The following CYB5R4 variants were observed in gnomAD, a reference collection of about 807,000 sequenced individuals.
CYB5R4 encodes the protein N-terminal cytochrome b5 and cytochrome b5 oxidoreductase domain-containing protein.
Under a neutral mutation model 70.2 loss-of-function variants are expected in CYB5R4, and 55 were observed. That is an observed-to-expected ratio of 0.78 (90% confidence interval 0.63 to 0.98). The LOEUF is 0.98. Ranked by LOEUF, CYB5R4 falls within the 50% of genes least tolerant of loss-of-function variation. CYB5R4 has a pLI of 0.00. For synonymous variants in CYB5R4, 197 were observed against 199.5 expected, an observed-to-expected ratio of 0.99 and a Z score of 0.11; for missense variants, 562 against 612.6, an observed-to-expected ratio of 0.92 and a Z score of 0.87.
intron 4 of CYB5R4, among the ~76,000 whole-genome samples, chr6:83,912,538 C>G (rs1442809196): frequency 9.2e-5 from 14 of 152,140 alleles, no homozygotes; most frequent in Admixed American, 9.2e-4. Flanking sequence ...ACAGCACCAG[C>G]CTTCTAAATG....
At chr6:83,864,414 T>C (rs1412305805) in intron 2 of CYB5R4, 86 bp downstream of exon 2, 1 of 1,236,876 alleles carries the variant, frequency 8.1e-7, no homozygotes. Context: ...CATGTTATTT[T>C]AAACAATTGA....
chr6:83,913,575 G>C (rs560364282), intron 4 of CYB5R4, among the ~76,000 whole-genome samples: 6 of 152,238 alleles, frequency 3.9e-5, no homozygotes, highest in Admixed American at 6.5e-5. Flanking sequence ...ATTATTTTGG[G>C]ATGGATGAGT....
At chr6:83,883,125 CAT>C (rs2099459721) in intron 2 of CYB5R4, among the ~76,000 whole-genome samples, 1 of 152,118 alleles carries the variant, frequency 6.6e-6, no homozygotes, top group African/African-American at 2.4e-5. Flanking sequence ...TTGGTGGCAA[CAT>C]AGACAAGACT....
At chr6:83,909,891 C>T (rs2099464400) in intron 4 of CYB5R4, among the ~76,000 whole-genome samples, 1 of 152,154 alleles carries the variant, frequency 6.6e-6, no homozygotes, top group Admixed American at 6.5e-5. Context: ...AAATATCCTG[C>T]GTTGCACAGG....
chr6:83,901,561 A>G (rs1005767285), intron 3 of CYB5R4, among the ~76,000 whole-genome samples: 6 of 152,142 alleles, frequency 3.9e-5, no homozygotes, highest in Non-Finnish European at 7.3e-5. Context: ...GTGTTTTCCA[A>G]CTTGTTTCCA....
chr6:83,955,413 G>T lies in CYB5R4; in HGVS notation c.1462G>T (p.Val488Phe), dbSNP rs2129145991. 2.5e-6 allele frequency: 4 copies of T among 1,613,920 alleles called. No individual in the cohort carries two copies. The East Asian group carries it at 8.9e-5, about 36-fold the overall frequency. ...GAAAAGAAATTTGGACAAATCCAAA[G>T]TTCTCGTCTGCATTTGTGGACCAGT... is the stretch of plus-strand genomic sequence containing the variant. ...FLKRNLDKSKVLVCICGPVPF... is the reference protein window; with the variant it reads ...FLKRNLDKSKFLVCICGPVPF... The change falls in exon 15 of 16, where the codon GTT becomes TTT. Residue 488 changes from valine to phenylalanine, a missense_variant. Transcript: ENST00000369681.
At chr6:83,876,040 A>G (rs949384681) in intron 2 of CYB5R4, among the ~76,000 whole-genome samples, 6 of 152,182 alleles carry the variant, frequency 3.9e-5, no homozygotes, top group African/African-American at 1.4e-4. Context: ...TGTTATCACA[A>G]GATAGAACCC....
chr6:83,889,823 A>G (rs944261781), intron 2 of CYB5R4, among the ~76,000 whole-genome samples: 24 of 152,218 alleles, frequency 1.6e-4, no homozygotes, highest in African/African-American at 5.5e-4. Flanking sequence ...AAGCAGGAGC[A>G]GGCACATCAC....
At chr6:83,946,746 C>CA (rs1199727309) in intron 14 of CYB5R4, among the ~76,000 whole-genome samples, 2 of 152,160 alleles carry the variant, frequency 1.3e-5, no homozygotes, top group African/African-American at 4.8e-5. Flanking sequence ...AATCAATGTG[C>CA]AAAAGTCACA....
In CYB5R4 at chr6:83,895,177, T is replaced by C. The variant is rs186241078; in HGVS notation, c.330+1555T>C. On this transcript the variant is annotated intron_variant, in intron 3 of 15. Coordinates refer to ENST00000369681, the MANE Select transcript of CYB5R4 (RefSeq NM_016230.4). ...TCTGCCTGCCTGCTGTCTGTCTGTGTATCTATGAGACAGAGTCTCGCTCTG... is the reference window on the plus strand; with the variant it reads ...TCTGCCTGCCTGCTGTCTGTCTGTGCATCTATGAGACAGAGTCTCGCTCTG... Among the ~76,000 whole-genome samples the C allele has an allele frequency of 3.1e-3, 471 of 152,282 alleles. 3 individuals carry two copies. The highest frequency in any genetic ancestry group is 0.011 in the African/African-American group (452 of 41,564).
chr6:83,924,500 A>T lies in CYB5R4; in HGVS notation c.722A>T (p.Glu241Val). Residue 241 changes from glutamate (E) to valine (V), a missense_variant, in exon 10 of 16, where the codon GAG becomes GTG. Coordinates refer to ENST00000369681, the MANE Select transcript of CYB5R4 (RefSeq NM_016230.4). The stretch of plus-strand genomic sequence containing the variant: ...GTTGTTGAGAGTGTGGGAAAAATAG[A>T]GATTGTTCTACAAAAAAAAGAGAAT... ...VRVVESVGKI[E>V]IVLQKKENTS... is the part of the protein sequence containing the mutation. 2 of 1,613,724 alleles carry T rather than the reference A, an allele frequency of 1.2e-6. No homozygotes were observed. The highest frequency in any genetic ancestry group is 1.3e-5 in the African/African-American group (1 of 75,024).
intron 15 of CYB5R4, 97 bp from the exon 16 acceptor site, chr6:83,959,727 A>G: frequency 9.3e-7 from 1 of 1,076,780 alleles, no homozygotes; most frequent in Non-Finnish European, 1.3e-6. Context: ...GAATGGGGAA[A>G]ATGAAAAAGT....
intron 2 of CYB5R4, among the ~76,000 whole-genome samples, chr6:83,886,375 G>A (rs2099460251): frequency 6.6e-6 from 1 of 152,098 alleles, no homozygotes; most frequent in South Asian, 2.1e-4. Context: ...TAGCAAAGTG[G>A]AACCAGCTCA....
chr6:83,945,065 C>G (rs1161661895), intron 14 of CYB5R4, among the ~76,000 whole-genome samples: 2 of 152,108 alleles, frequency 1.3e-5, no homozygotes, highest in African/African-American at 2.4e-5. Flanking sequence ...CAGCTCTGCA[C>G]CAAGCAGACC....
intron 4 of CYB5R4, among the ~76,000 whole-genome samples, chr6:83,913,873 C>T (rs182178369): frequency 6.6e-6 from 1 of 151,998 alleles, no homozygotes; most frequent in Admixed American, 6.5e-5. Flanking sequence ...AAAGAAAATA[C>T]CTGTTAATTT....
At position 83,962,721 on chromosome 6, in the gene CYB5R4, C is replaced by A. The variant is rs569558709; in HGVS notation, c.*2843C>A. 3.9e-5 allele frequency: 6 copies of A among 152,294 alleles called. No homozygotes were observed. The highest frequency in any genetic ancestry group is 7.3e-5 in the Non-Finnish European group (5 of 68,030). The allele number at this position is 152,294 out of a possible 1,614,324, so 9.4% of individuals were successfully genotyped here. A position where few individuals can be genotyped will look rare whatever the true frequency, so the allele number is the denominator to read the frequency against. ...AAGGGGAAGTCCCTAGATAAGAGTT[C>A]TTTCAGCCTCATTAGGTAGATTTCA... On this transcript the variant is annotated 3_prime_UTR_variant, in exon 16 of 16. Transcript: ENST00000369681.
Position 83,882,389 on chromosome 6 carries a change from C to A in CYB5R4, c.230-11133C>A, listed in dbSNP as rs74351778. Among the ~76,000 whole-genome samples, 841 of 152,198 alleles carry A rather than the reference C, an allele frequency of 5.5e-3. 7 individuals carry two copies. Among genetic ancestry groups the A allele is most frequent in the African/African-American group, 0.019 (805 of 41,510 alleles). On this transcript the variant is annotated intron_variant, in intron 2 of 15. Transcript: ENST00000369681. The stretch of plus-strand genomic sequence containing the variant: ...TGTATACGGGACAGACTCTATGCTA[C>A]CTGAAGGCTGAAAACGTTGAACAGA...
chr6:83,912,991 T>C (rs1017742844), intron 4 of CYB5R4, among the ~76,000 whole-genome samples: 1 of 152,184 alleles, frequency 6.6e-6, no homozygotes, highest in African/African-American at 2.4e-5. Context: ...AATATTTTCT[T>C]CTTAGAAATA....
At chr6:83,898,283 G>A (rs1403256319) in intron 3 of CYB5R4, among the ~76,000 whole-genome samples, 1 of 152,110 alleles carries the variant, frequency 6.6e-6, no homozygotes, top group Non-Finnish European at 1.5e-5. Flanking sequence ...TAGATATGTG[G>A]CATTAGTTCT....
Sources: gnomAD v4.1 joint callset for allele counts (sites outside exome capture counted in the v4.1 genomes callset) on GRCh38, gnomAD v4.1.1 for gene constraint, MANE v1.5 for transcripts, NCBI Gene and HGNC (gene_info 2026-07-23, HGNC 2026-07-21) for gene names.